Variants in MIGA1 observed in about 807,000 individuals in gnomAD.
The protein encoded by MIGA1 is mitoguardin 1.
MIGA1 carries 58 observed loss-of-function variants against 82.0 expected under a neutral mutation model. That is an observed-to-expected ratio of 0.71 (90% CI 0.57 to 0.88). The LOEUF (loss-of-function observed/expected upper bound fraction) is 0.88. Ranked by LOEUF, MIGA1 falls within the 40% of genes least tolerant of loss-of-function variation. MIGA1 has a pLI of 0.00. For missense variants in MIGA1, 751 were observed against 749.1 expected (o/e 1.00, Z -0.03); for synonymous variants, 249 against 253.6 (o/e 0.98, Z 0.17).
intron 4 of MIGA1, among the ~76,000 whole-genome samples, chr1:77,806,361 C>T (rs540241327): frequency 6.6e-5 from 10 of 152,200 alleles, no homozygotes; most frequent in South Asian, 2.1e-4. Context: ...GTTGTTATGT[C>T]GAAAGTGTCT....
intron 8 of MIGA1, among the ~76,000 whole-genome samples, chr1:77,846,350 G>A (rs983475395): frequency 1.3e-5 from 2 of 152,088 alleles, no homozygotes; most frequent in African/African-American, 4.8e-5. Context: ...ATCTGTTAAA[G>A]ATATTGTCAT....
rs141449115 is a variant in MIGA1 at position 77,787,856 on chromosome 1, C to T, written c.195+4505C>T. On this transcript the variant is annotated intron_variant, in intron 2 of 15. Coordinates refer to ENST00000370791, the MANE Select transcript of MIGA1 (RefSeq NM_198549.4). ...TTTGAGATGGAGTCTCACTCTGTCA[C>T]CCAAGCTGGAGTGTAGTGGTGCAGT... Among the ~76,000 whole-genome samples, 1,069 of 149,776 alleles carry T rather than the reference C, an allele frequency of 7.1e-3. 15 individuals carry two copies. Among genetic ancestry groups the T allele is most frequent in the African/African-American group, 0.024 (997 of 40,706 alleles).
In MIGA1 at chr1:77,807,052, T is replaced by A; in HGVS notation, c.588T>A (p.Ile196=). The stretch of plus-strand genomic sequence containing the variant: ...GGGACAAAGCAGATGAAGATGATAT[T>A]AAACTTGTTAATATTCCTGTGACTA... Residue 196 remains isoleucine (I), a synonymous_variant, in exon 5 of 16, where the codon ATT becomes ATA. Transcript: ENST00000370791. 6.2e-7 allele frequency: 1 copy of A among 1,601,470 alleles called. No homozygotes were observed. Among genetic ancestry groups the A allele is most frequent in the East Asian group, 2.2e-5 (1 of 44,810 alleles).
intron 5 of MIGA1, among the ~76,000 whole-genome samples, chr1:77,810,499 G>A (rs1015281825): frequency 6.6e-5 from 10 of 151,730 alleles, no homozygotes; most frequent in African/African-American, 2.4e-4. Context: ...GTAAACTCTA[G>A]CACATTCTTA....
In MIGA1 at chr1:77,839,723, C is replaced by T. The variant is rs1171111955; in HGVS notation, c.896-3584C>T. ...TGTCACTGTCTTTCAGTACCACAGT[C>T]GAGTTGATAAAACTTTTTATTAGTT... On this transcript the variant is annotated intron_variant, in intron 7 of 15. Transcript: ENST00000370791. 2.0e-5 allele frequency among the ~76,000 whole-genome samples: 3 copies of T among 151,932 alleles called. No homozygotes were observed. The East Asian group carries it at 5.8e-4, about 30-fold the overall frequency.
intron 8 of MIGA1, chr1:77,848,738 G>A: frequency 6.8e-7 from 1 of 1,480,224 alleles, no homozygotes; most frequent in South Asian, 1.2e-5. Context: ...GCTAGAGACA[G>A]GTACTTGGCC....
intron 7 of MIGA1, among the ~76,000 whole-genome samples, chr1:77,839,394 A>G (rs879155296): frequency 3.3e-5 from 5 of 151,410 alleles, no homozygotes; most frequent in Admixed American, 6.6e-5. Context: ...TTTTTTAGAG[A>G]CAGTGTCATT....
chr1:77,839,868 A>G (rs886876598), intron 7 of MIGA1, among the ~76,000 whole-genome samples: 2 of 152,064 alleles, frequency 1.3e-5, no homozygotes, highest in African/African-American at 4.8e-5. Context: ...TAGCCTCCCA[A>G]GTAGCTGAGA....
At chr1:77,870,813 A>C (rs1291036810) in intron 14 of MIGA1, among the ~76,000 whole-genome samples, 1 of 151,018 alleles carries the variant, frequency 6.6e-6, no homozygotes, top group Non-Finnish European at 1.5e-5. Flanking sequence ...TGAGTGAACG[A>C]GACTCCGTCT....
chr1:77,837,913 CTT>C (rs910754891), intron 7 of MIGA1, among the ~76,000 whole-genome samples: 2 of 152,160 alleles, frequency 1.3e-5, no homozygotes, highest in Non-Finnish European at 2.9e-5. Flanking sequence ...CTCATCAAGT[CTT>C]TTGACTTTTG....
rs1684970969 is a variant in MIGA1, at chr1:77,849,604, T to C, written c.996+6197T>C. On this transcript the variant is annotated intron_variant, in intron 8 of 15. Transcript: ENST00000370791. ...TAGCTTACAGCATAGTTGGCTTAAA[T>C]GAAAATAAAAAATAGTGATATGCTT... Among the ~76,000 whole-genome samples the C allele has an allele frequency of 2.6e-5, 4 of 152,038 alleles. No individual in the cohort carries two copies. In the South Asian group the frequency reaches 8.3e-4, roughly 32 times the overall value.
intron 11 of MIGA1, 161 bp downstream of exon 11, chr1:77,860,287 C>T: frequency 1.8e-6 from 1 of 556,594 alleles, no homozygotes; most frequent in Non-Finnish European, 3.2e-6. Context: ...ATAAAGTCCA[C>T]ACTATTTCAA....
rs187658731 is a variant in MIGA1, at chr1:77,800,806, T to C, written c.196-525T>C. ...GTTGTAGGCACTTATTATGTGCTCA[T>C]AGAATAGAATTACAGTAAGATTTTA... On this transcript the variant is annotated intron_variant, in intron 2 of 15. Transcript: ENST00000370791. 7.9e-5 allele frequency among the ~76,000 whole-genome samples: 12 copies of C among 152,338 alleles called. No homozygotes were observed. The East Asian group carries it at 1.2e-3, about 15-fold the overall frequency.
chr1:77,860,196 A>C lies in MIGA1; in HGVS notation c.1275+70A>C. 4 of 1,109,328 alleles carry C rather than the reference A, an allele frequency of 3.6e-6. No homozygotes were observed. The East Asian group carries it at 9.8e-5, about 27-fold the overall frequency. The allele number at this position is 1,109,328 out of a possible 1,614,324, so 68.7% of individuals were successfully genotyped here. On this transcript the variant is annotated intron_variant, in intron 11 of 15. Coordinates refer to ENST00000370791, the MANE Select transcript of MIGA1 (RefSeq NM_198549.4). ...GTTTTTACCCTTTGAACTGAAGATT[A>C]AGACATTAAATTTTTGATAGAAGAA...
chr1:77,819,239 C>T (rs957616088), intron 7 of MIGA1, among the ~76,000 whole-genome samples: 6 of 152,048 alleles, frequency 3.9e-5, no homozygotes, highest in Non-Finnish European at 5.9e-5. Flanking sequence ...TGGAGGAACC[C>T]GGGTTTGGAC....
At chr1:77,819,600 G>C in intron 7 of MIGA1, among the ~76,000 whole-genome samples, 1 of 147,372 alleles carries the variant, frequency 6.8e-6, no homozygotes, top group African/African-American at 2.5e-5. Context: ...TTATTTTTTT[G>C]AGAGAGAGGG....
At chr1:77,830,797 G>C (rs1684214250) in intron 7 of MIGA1, among the ~76,000 whole-genome samples, 1 of 152,100 alleles carries the variant, frequency 6.6e-6, no homozygotes, top group Non-Finnish European at 1.5e-5. Flanking sequence ...GCAGATATAG[G>C]TTAAAAATCA....
intron 7 of MIGA1, among the ~76,000 whole-genome samples, chr1:77,817,594 A>G (rs1429211764): frequency 6.6e-6 from 1 of 152,190 alleles, no homozygotes; most frequent in African/African-American, 2.4e-5. Flanking sequence ...TTGTTTGGAT[A>G]TTGCAAGTTT....
At chr1:77,799,053 A>G (rs1270590205) in intron 2 of MIGA1, among the ~76,000 whole-genome samples, 1 of 152,200 alleles carries the variant, frequency 6.6e-6, no homozygotes, top group Non-Finnish European at 1.5e-5. Context: ...CCTAGGATGT[A>G]TACCACTTGG....
Sources: allele counts gnomAD v4.1 joint callset (sites outside exome capture counted in the v4.1 genomes callset), GRCh38; gene constraint gnomAD v4.1.1; transcripts MANE v1.5; gene names NCBI Gene and HGNC (gene_info 2026-07-23, HGNC 2026-07-21).